The following ARB2A variants were observed in gnomAD, a reference collection of about 807,000 sequenced individuals.
ARB2A encodes cotranscriptional regulator ARB2A.
the ARB2A span, among the ~76,000 whole-genome samples, chr5:93,658,831 T>G: frequency 6.6e-6 from 1 of 151,948 alleles, no homozygotes; most frequent in African/African-American, 2.4e-5. Context: ...GATGGCCAAT[T>G]ATCTTTATTT....
chr5:94,086,601 G>A, the ARB2A span, among the ~76,000 whole-genome samples: 13 of 152,306 alleles, frequency 8.5e-5, no homozygotes, highest in East Asian at 2.3e-3. Flanking sequence ...TGCCCAGGCT[G>A]GAGTGCAATG....
At chr5:93,977,443 G>A in the ARB2A span, among the ~76,000 whole-genome samples, 8 of 152,016 alleles carry the variant, frequency 5.3e-5, no homozygotes, top group African/African-American at 1.9e-4. Context: ...AACAGAATAC[G>A]GACCCCCTGA....
the ARB2A span, among the ~76,000 whole-genome samples, chr5:93,689,390 G>C: frequency 1.3e-5 from 2 of 152,152 alleles, no homozygotes; most frequent in Non-Finnish European, 2.9e-5. Context: ...TATAAGTGAA[G>C]GGTATTATAT....
chr5:93,646,161 T>A, the ARB2A span, among the ~76,000 whole-genome samples: 3 of 152,132 alleles, frequency 2.0e-5, no homozygotes, highest in Non-Finnish European at 4.4e-5. Flanking sequence ...TAAAAGAGAC[T>A]GAAATAATCT....
the ARB2A span, among the ~76,000 whole-genome samples, chr5:93,659,690 A>T: frequency 6.6e-6 from 1 of 152,138 alleles, no homozygotes; most frequent in African/African-American, 2.4e-5. Flanking sequence ...GATGCCAATA[A>T]ACATTTATTG....
chr5:93,898,006 T>A, the ARB2A span, among the ~76,000 whole-genome samples: 4 of 151,846 alleles, frequency 2.6e-5, no homozygotes, highest in Admixed American at 2.0e-4. Context: ...AATTTGCAAC[T>A]CCCAGGTCAT....
the ARB2A span, among the ~76,000 whole-genome samples, chr5:93,671,626 A>T: frequency 6.6e-6 from 1 of 152,122 alleles, no homozygotes; most frequent in Non-Finnish European, 1.5e-5. Flanking sequence ...TTTACAAAAA[A>T]ATTTTTGGAC....
chr5:93,879,275 A>C, the ARB2A span, among the ~76,000 whole-genome samples: 1 of 152,056 alleles, frequency 6.6e-6, no homozygotes, highest in Non-Finnish European at 1.5e-5. Flanking sequence ...AGTATGTTTG[A>C]AGAGTGTCAG....
chr5:94,100,594 A>G, the ARB2A span, among the ~76,000 whole-genome samples: 1 of 152,218 alleles, frequency 6.6e-6, no homozygotes, highest in Non-Finnish European at 1.5e-5. Context: ...ACCAGCATAT[A>G]GACCAATAGA....
At chr5:93,871,630 A>G in the ARB2A span, among the ~76,000 whole-genome samples, 1 of 152,250 alleles carries the variant, frequency 6.6e-6, no homozygotes, top group Non-Finnish European at 1.5e-5. Context: ...GCTGCCTTCT[A>G]TTAAGCCAGA....
At chr5:93,628,044 G>A in the ARB2A span, among the ~76,000 whole-genome samples, 1 of 143,094 alleles carries the variant, frequency 7.0e-6, no homozygotes, top group African/African-American at 2.6e-5. Context: ...CACAGTAGAT[G>A]TAGCATAATT....
At chr5:93,664,662 AAT>A in the ARB2A span, among the ~76,000 whole-genome samples, 1 of 149,166 alleles carries the variant, frequency 6.7e-6, no homozygotes, top group South Asian at 2.1e-4. Context: ...TAATAATAAT[AAT>A]ATGTCTTATA....
the ARB2A span, among the ~76,000 whole-genome samples, chr5:93,978,442 A>G: frequency 1.3e-5 from 2 of 152,208 alleles, no homozygotes; most frequent in Non-Finnish European, 2.9e-5. Context: ...GCCAGAAAAA[A>G]GAATGAAATC....
At chr5:94,007,826 T>C in the ARB2A span, among the ~76,000 whole-genome samples, 5 of 151,408 alleles carry the variant, frequency 3.3e-5, no homozygotes, top group Non-Finnish European at 5.9e-5. Context: ...CAAAGGACTT[T>C]ATTAATAATA....
the ARB2A span, chr5:93,620,360 G>C: frequency 6.6e-6 from 1 of 151,540 alleles, no homozygotes; most frequent in Admixed American, 6.6e-5. Context: ...TTTTTTTCTG[G>C]TCCCGAAATG....
At chr5:93,802,558 T>C in the ARB2A span, among the ~76,000 whole-genome samples, 433 of 152,242 alleles carry the variant, frequency 2.8e-3, 2 homozygotes, top group Non-Finnish European at 4.3e-3. Context: ...CATTTGTGAA[T>C]TACTTTTTCA....
At chr5:93,629,229 T>C in the ARB2A span, among the ~76,000 whole-genome samples, 22 of 152,178 alleles carry the variant, frequency 1.4e-4, no homozygotes, top group African/African-American at 5.1e-4. Context: ...ACTACAATTA[T>C]CAATTAACTT....
chr5:93,690,215 C>T, the ARB2A span, among the ~76,000 whole-genome samples: 1 of 152,130 alleles, frequency 6.6e-6, no homozygotes, highest in African/African-American at 2.4e-5. Context: ...CCGTTCAATC[C>T]CCTGGAAAAG....
chr5:93,779,090 A>AGTGTGTGTGT, the ARB2A span, among the ~76,000 whole-genome samples: 5,341 of 143,366 alleles, frequency 0.037, 136 homozygotes, highest in African/African-American at 0.057. Flanking sequence ...GTCATTTCAG[A>AGTGTGTGTGT]GTGTGTGTGT....
Sources: gnomAD v4.1 joint callset for allele counts (sites outside exome capture counted in the v4.1 genomes callset) on GRCh38, gnomAD v4.1.1 for gene constraint, MANE v1.5 for transcripts, NCBI Gene and HGNC (gene_info 2026-07-23, HGNC 2026-07-21) for gene names.